Variants in ZNF609 observed in about 807,000 individuals in gnomAD.
ZNF609 encodes zinc finger protein 609.
ZNF609 carries 11 observed loss-of-function variants against 109.5 expected under a neutral mutation model. The observed-to-expected ratio is 0.10, with a 90% CI of 0.06 to 0.17. The LOEUF (loss-of-function observed/expected upper bound fraction) is 0.17, where lower values mean the gene tolerates loss of function less well. ZNF609 is among the 10% of genes least tolerant of loss of function. The pLI is 1.00. For synonymous variants in ZNF609, 646 were observed against 662.0 expected (o/e 0.98, Z 0.37); for missense variants, 1,559 against 1,772.4 (o/e 0.88, Z 2.16).
rs1041700361 is a variant in ZNF609, at chr15:64,622,718, C to T, written c.748-109C>T. The stretch of plus-strand genomic sequence containing the variant: ...GAAGAACCAAAGTCTTATTTATAGC[C>T]GTCTGCACTCTGGCAGGAATAGATA... On this transcript the variant is annotated intron_variant, in intron 2 of 9. Transcript: ENST00000326648. The T allele has an allele frequency of 1.6e-5, 15 of 914,240 alleles. No individual in the cohort carries two copies. In the East Asian group the frequency reaches 2.7e-4, roughly 16 times the overall value. The allele number at this position is 914,240 out of a possible 1,614,324, so 56.6% of individuals were successfully genotyped here.
intron 3 of ZNF609, among the ~76,000 whole-genome samples, chr15:64,626,817 G>A (rs780051843): frequency 2.0e-5 from 3 of 152,112 alleles, no homozygotes; most frequent in African/African-American, 4.8e-5. Flanking sequence ...GATCCTACTT[G>A]ACTAGATTCA....
At chr15:64,621,782 T>C (rs201891849) in intron 2 of ZNF609, among the ~76,000 whole-genome samples, 2 of 118,172 alleles carry the variant, frequency 1.7e-5, no homozygotes, top group Non-Finnish European at 3.8e-5. Flanking sequence ...TTTTTTTTTT[T>C]TGAGACGATC....
At chr15:64,551,106 G>A (rs2140392503) in intron 2 of ZNF609, among the ~76,000 whole-genome samples, 1 of 151,874 alleles carries the variant, frequency 6.6e-6, no homozygotes, top group Non-Finnish European at 1.5e-5. Flanking sequence ...TTTGTTTTGA[G>A]GTGAAGTCTC....
intron 2 of ZNF609, among the ~76,000 whole-genome samples, chr15:64,609,070 T>TTCTTTCTC (rs1480014200): frequency 1.7e-4 from 5 of 29,636 alleles, no homozygotes; most frequent in African/African-American, 4.2e-4. Context: ...TAATTTTTCT[T>TTCTTTCTC]TCTTTCTTTC....
At chr15:64,679,820 G>A (rs555796670) in intron 6 of ZNF609, among the ~76,000 whole-genome samples, 3 of 152,276 alleles carry the variant, frequency 2.0e-5, no homozygotes, top group South Asian at 4.1e-4. Context: ...TTTGCTCAAG[G>A]TTACCAAGCT....
intron 2 of ZNF609, among the ~76,000 whole-genome samples, chr15:64,540,080 T>G (rs1410298610): frequency 6.6e-6 from 1 of 152,182 alleles, no homozygotes; most frequent in Non-Finnish European, 1.5e-5. Flanking sequence ...GCCAAGAGTT[T>G]TATTACTAGC....
chr15:64,586,150 C>T (rs1023029373), intron 2 of ZNF609, among the ~76,000 whole-genome samples: 4 of 151,980 alleles, frequency 2.6e-5, no homozygotes, highest in Non-Finnish European at 4.4e-5. Flanking sequence ...CATGGAGAAA[C>T]CCTGTCTCTA....
chr15:64,618,792 C>T (rs905128439), intron 2 of ZNF609, among the ~76,000 whole-genome samples: 2 of 152,152 alleles, frequency 1.3e-5, no homozygotes, highest in Non-Finnish European at 2.9e-5. Flanking sequence ...GAGGTCCAGC[C>T]GCTGTGTCTT....
chr15:64,653,449 A>G (rs1896445733), intron 3 of ZNF609, among the ~76,000 whole-genome samples: 1 of 152,208 alleles, frequency 6.6e-6, no homozygotes, highest in Non-Finnish European at 1.5e-5. Flanking sequence ...GTTTGAGAAC[A>G]GCCTGGGCAA....
At chr15:64,647,058 G>T (rs926124699) in intron 3 of ZNF609, among the ~76,000 whole-genome samples, 3 of 151,820 alleles carry the variant, frequency 2.0e-5, no homozygotes, top group Non-Finnish European at 4.4e-5. Context: ...CTACTCAGGA[G>T]GCTGAGGCAG....
At chr15:64,492,401 A>AT (rs1893425862) in intron 1 of ZNF609, among the ~76,000 whole-genome samples, 3 of 152,152 alleles carry the variant, frequency 2.0e-5, no homozygotes, top group South Asian at 2.1e-4. Flanking sequence ...GTAAAAAAAA[A>AT]TTTTTTAAAC....
At chr15:64,551,048 G>C (rs149681634) in intron 2 of ZNF609, among the ~76,000 whole-genome samples, 44 of 152,088 alleles carry the variant, frequency 2.9e-4, no homozygotes, top group African/African-American at 1.1e-3. Flanking sequence ...TTTTCTCTAA[G>C]AGTTTTATAA....
intron 2 of ZNF609, among the ~76,000 whole-genome samples, chr15:64,509,486 A>G (rs1367962719): frequency 6.6e-6 from 1 of 152,246 alleles, no homozygotes; most frequent in Admixed American, 6.5e-5. Context: ...GAGAAAGGAT[A>G]TCCTTAGAGA....
intron 2 of ZNF609, among the ~76,000 whole-genome samples, chr15:64,571,486 ATATAT>A (rs1276092031): frequency 1.3e-5 from 2 of 151,866 alleles, no homozygotes; most frequent in African/African-American, 4.8e-5. Context: ...TTTTTATATA[ATATAT>A]TTTTATTTTT....
intron 1 of ZNF609, among the ~76,000 whole-genome samples, chr15:64,496,976 G>A (rs777334810): frequency 6.6e-6 from 1 of 151,986 alleles, no homozygotes; most frequent in Non-Finnish European, 1.5e-5. Flanking sequence ...CATCATACCC[G>A]GCTAATTTTT....
At chr15:64,508,899 G>T (rs1210014667) in intron 2 of ZNF609, among the ~76,000 whole-genome samples, 1 of 151,884 alleles carries the variant, frequency 6.6e-6, no homozygotes, top group East Asian at 1.9e-4. Context: ...TTACTATGTT[G>T]TTCAGGCTAG....
intron 2 of ZNF609, among the ~76,000 whole-genome samples, chr15:64,582,575 T>C (rs1399279342): frequency 1.3e-5 from 2 of 152,166 alleles, no homozygotes; most frequent in African/African-American, 4.8e-5. Flanking sequence ...TCAGTCCAAC[T>C]TTTTGCTTAC....
At chr15:64,618,737 G>A (rs545162813) in intron 2 of ZNF609, among the ~76,000 whole-genome samples, 9 of 152,132 alleles carry the variant, frequency 5.9e-5, no homozygotes, top group South Asian at 2.1e-4. Context: ...GTGCTCTTCC[G>A]CCACGTGTGC....
At chr15:64,607,911 T>TGAGACAGAGTCTCACTC (rs1895638987) in intron 2 of ZNF609, among the ~76,000 whole-genome samples, 1 of 129,498 alleles carries the variant, frequency 7.7e-6, no homozygotes. Flanking sequence ...TTTTTTTTTT[T>TGAGACAGAGTCTCACTC]TTTTTGAGAC....
Sources: allele counts gnomAD v4.1 joint callset (sites outside exome capture counted in the v4.1 genomes callset), GRCh38; gene constraint gnomAD v4.1.1; transcripts MANE v1.5; gene names NCBI Gene and HGNC (gene_info 2026-07-23, HGNC 2026-07-21).